OTULIN: variants seen among roughly 807,000 people sequenced by gnomAD.
OTULIN encodes OTU deubiquitinase with linear linkage specificity, also known as ubiquitin thioesterase otulin.
A neutral mutation model predicts 39.6 loss-of-function variants in OTULIN; 15 were observed. The observed-to-expected ratio is 0.38, with a 90% confidence interval of 0.25 to 0.58. The LOEUF (loss-of-function observed/expected upper bound fraction) is 0.58. OTULIN is among the 20% of genes least tolerant of loss of function. The pLI is 0.66. For missense variants in OTULIN, 319 were observed against 445.9 expected (o/e 0.72, Z 2.56); for synonymous variants, 156 against 170.3 (o/e 0.92, Z 0.65).
At position 14,690,145 on chromosome 5, in the gene OTULIN, T is replaced by A; in HGVS notation, c.701T>A (p.Phe234Tyr). Residue 234 changes from phenylalanine to tyrosine, a missense_variant, in exon 6 of 7, where the codon TTT becomes TAT. Phe to Tyr is a conservative substitution (Grantham distance 22). Transcript: ENST00000284274. The surrounding 1 kb of genome is among the most constrained non-coding windows in gnomAD (Gnocchi z 4.5). ...TATAGCCTCTATGAAGCTGTAAAAT[T>A]TCTAATGCTAAACAGAGCCATTGAA... ...EEYSLYEAVK[F>Y]LMLNRAIELY... 3 of 1,614,132 alleles carry A rather than the reference T, an allele frequency of 1.9e-6. No homozygotes were observed. Among genetic ancestry groups the A allele is most frequent in the Non-Finnish European group, 2.5e-6 (3 of 1,180,016 alleles).
chr5:14,687,088 G>A (rs1736405176), intron 4 of OTULIN, among the ~76,000 whole-genome samples: 2 of 152,124 alleles, frequency 1.3e-5, no homozygotes, highest in South Asian at 4.1e-4. Context: ...TTCTTATTGG[G>A]AAAGGAGAAG....
rs1736759565 is a variant in OTULIN at position 14,699,780 on chromosome 5, A to C, written c.*6732A>C. 6.6e-6 allele frequency: 1 copy of C among 152,230 alleles called. No homozygotes were observed. The highest frequency in any genetic ancestry group is 1.5e-5 in the Non-Finnish European group (1 of 68,076). The allele number at this position is 152,230 out of a possible 1,614,324, so 9.4% of individuals were successfully genotyped here. A position where few individuals can be genotyped will look rare whatever the true frequency, so the allele number is the denominator to read the frequency against. On this transcript the variant is annotated 3_prime_UTR_variant, in exon 7 of 7. Transcript: ENST00000284274. ...CTATTGACCGCTTCCGTCTTGCCTG[A>C]AACCTGGGCATTCTTTCTGTAGTTT...
At position 14,674,695 on chromosome 5, in the gene OTULIN, T is replaced by C. The variant is rs562684198; in HGVS notation, c.229+977T>C. Among the ~76,000 whole-genome samples the C allele has an allele frequency of 2.0e-5, 3 of 152,058 alleles. No individual in the cohort carries two copies. In the East Asian group the frequency reaches 5.8e-4, roughly 29 times the overall value. Reference sequence around the variant, plus strand: ...GCTTGAGCCTGGGAGTTTGAGGATGTAGTGAGCCGTGATTGCATTACTGCA... The same window carrying C: ...GCTTGAGCCTGGGAGTTTGAGGATGCAGTGAGCCGTGATTGCATTACTGCA... On this transcript the variant is annotated intron_variant, in intron 2 of 6. Coordinates refer to ENST00000284274, the MANE Select transcript of OTULIN (RefSeq NM_138348.6).
downstream of OTULIN, among the ~76,000 whole-genome samples, chr5:14,701,892 C>T (rs772450629): frequency 1.3e-5 from 2 of 152,198 alleles, no homozygotes; most frequent in Non-Finnish European, 2.9e-5. Context: ...GCAGGGCGCT[C>T]ATCAGGCCAG....
At chr5:14,700,807 C>T (rs1376365170), downstream of OTULIN, among the ~76,000 whole-genome samples, 2 of 152,118 alleles carry the variant, frequency 1.3e-5, no homozygotes, top group East Asian at 1.9e-4. Context: ...ATAATTCAAT[C>T]GGAGACCTTC....
chr5:14,707,660 C>T, the OTULIN span: 9 of 152,170 alleles, frequency 5.9e-5, no homozygotes, highest in Non-Finnish European at 1.2e-4. Context: ...ACCCCCTGCA[C>T]CTCCCAAGGT....
chr5:14,687,720 A>G, intron 5 of OTULIN, 74 bp downstream of exon 5: 1 of 1,495,590 alleles, frequency 6.7e-7, no homozygotes, highest in Non-Finnish European at 8.9e-7. Flanking sequence ...ACCAGTTTTT[A>G]GTCTTCACTC....
downstream of OTULIN, among the ~76,000 whole-genome samples, chr5:14,704,185 C>T (rs1402724418): frequency 6.6e-6 from 1 of 151,844 alleles, no homozygotes; most frequent in African/African-American, 2.4e-5. Flanking sequence ...CAAAAATTAG[C>T]TGGGCGTGGT....
At chr5:14,686,154 C>G (rs566055865) in intron 4 of OTULIN, among the ~76,000 whole-genome samples, 2 of 152,274 alleles carry the variant, frequency 1.3e-5, no homozygotes, top group East Asian at 1.9e-4. Context: ...CACGATTGCT[C>G]TAGGTTGAGA....
rs184567079 is a variant in OTULIN at position 14,688,876 on chromosome 5, A to G, written c.595-1163A>G. Among the ~76,000 whole-genome samples the G allele has an allele frequency of 3.0e-4, 45 of 152,160 alleles. No individual in the cohort carries two copies. In the East Asian group the frequency reaches 6.4e-3, roughly 22 times the overall value. Reference sequence around the variant, plus strand: ...TTTTTTAAGGTCTTGTGAAATTGCTATTTCTGCTTTATTAGGTTTTTCTAC... The same window carrying G: ...TTTTTTAAGGTCTTGTGAAATTGCTGTTTCTGCTTTATTAGGTTTTTCTAC... On this transcript the variant is annotated intron_variant, in intron 5 of 6. Transcript: ENST00000284274.
At position 14,696,336 on chromosome 5, in the gene OTULIN, T is replaced by C. The variant is rs1241680291; in HGVS notation, c.*3288T>C. The C allele has an allele frequency of 6.6e-6, 1 of 152,262 alleles. No individual in the cohort carries two copies. The highest frequency in any genetic ancestry group is 1.5e-5 in the Non-Finnish European group (1 of 68,052). 9.4% of individuals were successfully genotyped at this position (152,262 alleles called of 1,614,324 possible). A position where few individuals can be genotyped will look rare whatever the true frequency, so the allele number is the denominator to read the frequency against. ...GTTGGATCATTTTCTTATCTCCTTT[T>C]CTTAAGCAGTACTTTGCAGGTACTC... On this transcript the variant is annotated 3_prime_UTR_variant, in exon 7 of 7. Transcript: ENST00000284274.
At chr5:14,671,715 T>A (rs546180201) in intron 1 of OTULIN, among the ~76,000 whole-genome samples, 19 of 152,318 alleles carry the variant, frequency 1.2e-4, no homozygotes, top group African/African-American at 4.6e-4. Context: ...CTGATACTTG[T>A]TCCCTTACCC....
intron 1 of OTULIN, among the ~76,000 whole-genome samples, chr5:14,666,059 G>A (rs553556135): frequency 3.3e-5 from 5 of 152,316 alleles, no homozygotes; most frequent in African/African-American, 1.2e-4. Context: ...TTGCCCCCAA[G>A]CCCTGCTCCA....
chr5:14,711,149 G>T, the OTULIN span: 2 of 1,450,122 alleles, frequency 1.4e-6, no homozygotes, highest in Non-Finnish European at 1.9e-6. Context: ...TGATGCCGAA[G>T]TGTCATCCTG....
chr5:14,674,243 T>G (rs567299917), intron 2 of OTULIN: 2 of 153,078 alleles, frequency 1.3e-5, no homozygotes, highest in South Asian at 2.1e-4. Context: ...GCTGCCGGAG[T>G]GAGGTGTTAC....
At chr5:14,669,645 T>C (rs1243202932) in intron 1 of OTULIN, among the ~76,000 whole-genome samples, 1 of 152,098 alleles carries the variant, frequency 6.6e-6, no homozygotes, top group African/African-American at 2.4e-5. Flanking sequence ...TGGTGGTGCA[T>C]GCCTGTGGTC....
In OTULIN at chr5:14,664,947, C is replaced by A; in HGVS notation, c.122C>A (p.Pro41Gln). 8.9e-7 allele frequency: 1 copy of A among 1,121,612 alleles called. No individual in the cohort carries two copies. The highest frequency in any genetic ancestry group is 1.1e-6 in the Non-Finnish European group (1 of 918,190). The allele number at this position is 1,121,612 out of a possible 1,614,324, so 69.5% of individuals were successfully genotyped here. Residue 41 changes from proline to glutamine, a missense_variant, in exon 1 of 7, where the codon CCG (proline) becomes CAG (glutamine). Around this residue, in one of 4 missense-constraint regions of OTULIN, gnomAD observed 132 missense variants for 143.7 expected, o/e 0.92. Coordinates refer to ENST00000284274, the MANE Select transcript of OTULIN (RefSeq NM_138348.6). Reference sequence around the variant, plus strand: ...GGGAAGGCGGCGGCCAGCGGGCAGCCGCGGCCCGAGATGCAGTGCCCGGCC... The same window carrying A: ...GGGAAGGCGGCGGCCAGCGGGCAGCAGCGGCCCGAGATGCAGTGCCCGGCC... The part of the protein sequence containing the change: ...DGGKAAASGQ[P>Q]RPEMQCPAEH...
At chr5:14,670,147 G>A (rs1400834134) in intron 1 of OTULIN, among the ~76,000 whole-genome samples, 1 of 152,158 alleles carries the variant, frequency 6.6e-6, no homozygotes, top group Non-Finnish European at 1.5e-5. Context: ...CACAAAGAAT[G>A]TGTGATCTGG....
At chr5:14,716,334 AAT>A in the OTULIN span, among the ~76,000 whole-genome samples, 1 of 152,168 alleles carries the variant, frequency 6.6e-6, no homozygotes, top group African/African-American at 2.4e-5. Context: ...CTCTACTAAA[AAT>A]ACAAAAATTA....
Sources: gnomAD v4.1 joint callset for allele counts (sites outside exome capture counted in the v4.1 genomes callset) on GRCh38, gnomAD v4.1.1 for gene constraint, gnomAD v4.1.1 regional missense constraint, Gnocchi (gnomAD v3.1) non-coding constraint, MANE v1.5 for transcripts, NCBI Gene and HGNC (gene_info 2026-07-23, HGNC 2026-07-21) for gene names.